Variants in L3HYPDH observed in about 807,000 individuals in gnomAD.
L3HYPDH encodes the protein trans-L-3-hydroxyproline dehydratase.
Under a neutral mutation model 26.5 loss-of-function variants are expected in L3HYPDH, and 32 were observed. The observed-to-expected ratio is 1.21, with a 90% CI of 0.91 to 1.62. The LOEUF is 1.62. Ranked by LOEUF, L3HYPDH falls within the 40% of genes most tolerant of loss-of-function variation. The pLI is 0.00. For synonymous variants in L3HYPDH, 215 were observed against 196.6 expected, an observed-to-expected ratio of 1.09 and a Z score of -0.78; for missense variants, 554 against 476.4, an observed-to-expected ratio of 1.16 and a Z score of -1.52.
At chr14:59,467,247 T>C (rs537711773) in intron 1 of L3HYPDH, among the ~76,000 whole-genome samples, 2 of 152,302 alleles carry the variant, frequency 1.3e-5, no homozygotes, top group Non-Finnish European at 2.9e-5. Context: ...ATTTGATGAA[T>C]GTGCAAAGTC....
chr14:59,485,042 A>G (rs750974785), upstream of L3HYPDH: 3 of 1,598,308 alleles, frequency 1.9e-6, no homozygotes, highest in Non-Finnish European at 8.5e-7. Flanking sequence ...ATGGAATCTT[A>G]AAACTTTAGC....
At chr14:59,476,748 G>A (rs1889655738) in intron 2 of L3HYPDH, among the ~76,000 whole-genome samples, 1 of 152,078 alleles carries the variant, frequency 6.6e-6, no homozygotes, top group South Asian at 2.1e-4. Flanking sequence ...GAAACAATTG[G>A]AGGAAAAAAA....
At chr14:59,494,308 T>G in the L3HYPDH span, among the ~76,000 whole-genome samples, 2 of 152,184 alleles carry the variant, frequency 1.3e-5, no homozygotes, top group African/African-American at 2.4e-5. Context: ...GCAACACATT[T>G]AACTAACCAC....
chr14:59,501,337 A>G, the L3HYPDH span: 3 of 893,680 alleles, frequency 3.4e-6, no homozygotes, highest in African/African-American at 5.0e-5. Context: ...AGAATAGTCC[A>G]TATGATATGA....
chr14:59,490,077 C>T, the L3HYPDH span, among the ~76,000 whole-genome samples: 5 of 152,072 alleles, frequency 3.3e-5, no homozygotes, highest in Admixed American at 3.3e-4. Flanking sequence ...CGTGTACCAC[C>T]ATACCCTGCT....
Position 59,473,162 on chromosome 14 carries a change from C to A in L3HYPDH, c.940-72G>T, listed in dbSNP as rs114713849. 2,313 of 1,398,214 alleles carry A rather than the reference C, an allele frequency of 1.7e-3. 38 individuals are homozygous for A. In the African/African-American group the frequency reaches 0.031, roughly 19 times the overall value. 86.6% of individuals were successfully genotyped at this position (1,398,214 alleles called of 1,614,324 possible). ...TTATATCTGGCTTGAAAACTGTACT[C>A]TTGACTTTTATCATGTGAAGGAAAG... On this transcript the variant is annotated intron_variant, in intron 4 of 4. Transcript: ENST00000247194.
chr14:59,476,137 A>G lies in L3HYPDH; in HGVS notation c.756T>C (p.Tyr252=), dbSNP rs762179641. 3 of 1,614,008 alleles carry G rather than the reference A, an allele frequency of 1.9e-6. No individual in the cohort carries two copies. Residue 252 remains tyrosine, a synonymous_variant, in exon 3 of 5, where the codon TAT becomes TAC. Transcript: ENST00000247194. ...AAATGTTGGTGGTTGGTTCCTTGGT[A>G]TAAGCATCTTTTCCATCTGTTAATA... The part of the protein sequence containing the change: ...GTILTDGKDA[Y]TKEPTTNICV...
At chr14:59,503,975 T>G in the L3HYPDH span, 5 of 1,613,696 alleles carry the variant, frequency 3.1e-6, no homozygotes. Context: ...GATTTGCCCC[T>G]TTTGGCTTTG....
At chr14:59,485,124 A>T, upstream of L3HYPDH, 2 of 1,598,272 alleles carry the variant, frequency 1.3e-6, no homozygotes, top group East Asian at 2.2e-5. Flanking sequence ...TTAGTAAGTG[A>T]TAGGCTGTTT....
At chr14:59,486,832 A>C, upstream of L3HYPDH, 1 of 1,336,872 alleles carries the variant, frequency 7.5e-7, no homozygotes, top group Non-Finnish European at 1.0e-6. Flanking sequence ...ATCTTATTTC[A>C]TTTTGTAAAA....
At chr14:59,483,592 A>G in intron 1 of L3HYPDH, 2 of 1,430,506 alleles carry the variant, frequency 1.4e-6, no homozygotes, top group South Asian at 1.5e-5. Context: ...AGGGTCTCCC[A>G]AAACCACAGG....
At chr14:59,492,396 G>A in the L3HYPDH span, among the ~76,000 whole-genome samples, 1 of 152,192 alleles carries the variant, frequency 6.6e-6, no homozygotes, top group Non-Finnish European at 1.5e-5. Context: ...ATGTTGGGTA[G>A]GTGTGGGAGT....
At chr14:59,468,692 T>G (rs945743229), downstream of L3HYPDH, among the ~76,000 whole-genome samples, 4 of 152,178 alleles carry the variant, frequency 2.6e-5, no homozygotes, top group Non-Finnish European at 4.4e-5. Context: ...TGCCTGTTTA[T>G]TTTATGAGAT....
intron 1 of L3HYPDH, chr14:59,483,440 GAACCCTGGT>G: frequency 9.6e-7 from 1 of 1,046,274 alleles, no homozygotes; most frequent in Non-Finnish European, 1.2e-6. Flanking sequence ...AGCCAGCCTG[GAACCCTGGT>G]ACATTGGCTG....
downstream of L3HYPDH, among the ~76,000 whole-genome samples, chr14:59,470,172 T>G (rs996919105): frequency 6.6e-6 from 1 of 152,144 alleles, no homozygotes; most frequent in African/African-American, 2.4e-5. Flanking sequence ...TTTCATGTGT[T>G]TCAGAGCTTA....
At chr14:59,480,833 G>A (rs1889968283) in intron 1 of L3HYPDH, among the ~76,000 whole-genome samples, 1 of 152,212 alleles carries the variant, frequency 6.6e-6, no homozygotes, top group Non-Finnish European at 1.5e-5. Flanking sequence ...TGAAAAGCAA[G>A]TTTAATGAAA....
chr14:59,466,047 A>C (rs1396316531), intron 1 of L3HYPDH, among the ~76,000 whole-genome samples: 1 of 152,194 alleles, frequency 6.6e-6, no homozygotes, highest in Non-Finnish European at 1.5e-5. Context: ...GGATGGGCCC[A>C]TGACTCTAAA....
chr14:59,474,660 T>C, intron 4 of L3HYPDH: 1 of 576,722 alleles, frequency 1.7e-6, no homozygotes, highest in Non-Finnish European at 3.1e-6. Context: ...CTCTGGTAAA[T>C]TACCTAACTT....
At chr14:59,483,533 T>C in intron 1 of L3HYPDH, 1 of 1,388,358 alleles carries the variant, frequency 7.2e-7, no homozygotes, top group Non-Finnish European at 9.3e-7. Context: ...GCCTCACCAG[T>C]GCAGAGGGAG....
Sources: gnomAD v4.1 joint callset for allele counts (sites outside exome capture counted in the v4.1 genomes callset) on GRCh38, gnomAD v4.1.1 for gene constraint, MANE v1.5 for transcripts, NCBI Gene and HGNC (gene_info 2026-07-23, HGNC 2026-07-21) for gene names.